The following GMDS variants were observed in gnomAD, a reference collection of about 807,000 sequenced individuals.
GMDS encodes the protein GDP-mannose 4,6 dehydratase.
GMDS carries 20 observed loss-of-function variants against 49.9 expected under a neutral mutation model. The observed-to-expected ratio is 0.40, with a 90% CI of 0.28 to 0.58. The LOEUF (loss-of-function observed/expected upper bound fraction) is 0.58. GMDS is among the 20% of genes least tolerant of loss of function. The pLI, the probability that GMDS is intolerant of heterozygous loss-of-function variation, is 0.42. For missense variants in GMDS, 362 were observed against 481.4 expected (o/e 0.75, Z 2.32); for synonymous variants, 177 against 178.6 (o/e 0.99, Z 0.07).
At chr6:1,688,859 T>C (rs1269209541) in intron 9 of GMDS, among the ~76,000 whole-genome samples, 1 of 152,202 alleles carries the variant, frequency 6.6e-6, no homozygotes, top group Non-Finnish European at 1.5e-5. Flanking sequence ...TAAAGTCAGC[T>C]CTCTACATAT....
At chr6:1,722,243 T>G (rs950287279) in intron 9 of GMDS, among the ~76,000 whole-genome samples, 25 of 80,954 alleles carry the variant, frequency 3.1e-4, no homozygotes, top group Non-Finnish European at 1.9e-4. Context: ...ATTATTATTA[T>G]TAGTAGTAGT....
chr6:2,017,971 G>GT (rs1315098060), intron 4 of GMDS, among the ~76,000 whole-genome samples: 1 of 152,092 alleles, frequency 6.6e-6, no homozygotes, highest in Non-Finnish European at 1.5e-5. Flanking sequence ...AGCTTATCTT[G>GT]TTTTTTAAAA....
chr6:1,671,901 G>T (rs1764445067), intron 9 of GMDS, among the ~76,000 whole-genome samples: 2 of 152,120 alleles, frequency 1.3e-5, no homozygotes, highest in South Asian at 4.1e-4. Flanking sequence ...CCAGCCTCAT[G>T]ATCTGCCCAC....
intron 1 of GMDS, among the ~76,000 whole-genome samples, chr6:2,200,410 C>T (rs530293296): frequency 1.3e-5 from 2 of 150,212 alleles, no homozygotes; most frequent in Admixed American, 6.6e-5. Context: ...CAGAACACCA[C>T]ATGGACATCC....
intron 9 of GMDS, among the ~76,000 whole-genome samples, chr6:1,682,217 T>C (rs1176868420): frequency 6.6e-6 from 1 of 152,234 alleles, no homozygotes; most frequent in Non-Finnish European, 1.5e-5. Context: ...TTTATTTTAT[T>C]CTATAATTTA....
intron 1 of GMDS, among the ~76,000 whole-genome samples, chr6:2,154,863 CAAAAAAAAA>C (rs70992124): frequency 4.6e-5 from 3 of 65,626 alleles, no homozygotes; most frequent in South Asian, 1.7e-3. Flanking sequence ...TGAAGAGATG[CAAAAAAAAA>C]AAAAAAAAAA....
At chr6:1,760,056 C>A (rs952851629) in intron 7 of GMDS, among the ~76,000 whole-genome samples, 1 of 152,140 alleles carries the variant, frequency 6.6e-6, no homozygotes, top group East Asian at 1.9e-4. Flanking sequence ...CGGGGCGGAG[C>A]CAGCTGGAGA....
chr6:1,900,209 G>T (rs1760429424), intron 7 of GMDS, among the ~76,000 whole-genome samples: 1 of 152,226 alleles, frequency 6.6e-6, no homozygotes, highest in African/African-American at 2.4e-5. Context: ...GTTGTGGGGT[G>T]ACCTCCATGG....
chr6:1,697,282 C>T (rs1279009130), intron 9 of GMDS, among the ~76,000 whole-genome samples: 2 of 152,230 alleles, frequency 1.3e-5, no homozygotes, highest in African/African-American at 4.8e-5. Context: ...GCCTTTCCCA[C>T]AGGGCTTCCT....
chr6:2,229,299 T>C (rs1581830225), intron 1 of GMDS, among the ~76,000 whole-genome samples: 1 of 150,982 alleles, frequency 6.6e-6, no homozygotes, highest in African/African-American at 2.4e-5. Context: ...GGGCTGTGCA[T>C]GGTGATTCAT....
At chr6:1,629,179 T>C (rs1422996863) in intron 9 of GMDS, among the ~76,000 whole-genome samples, 4 of 152,204 alleles carry the variant, frequency 2.6e-5, no homozygotes, top group Non-Finnish European at 4.4e-5. Context: ...ACATCTCTTC[T>C]TGGGTGTAGC....
At chr6:2,138,780 C>A (rs1776136288) in intron 1 of GMDS, among the ~76,000 whole-genome samples, 1 of 152,142 alleles carries the variant, frequency 6.6e-6, no homozygotes, top group African/African-American at 2.4e-5. Context: ...CTTCATTGAC[C>A]TTTGAGAAAA....
intron 1 of GMDS, among the ~76,000 whole-genome samples, chr6:2,230,524 T>C (rs1037430598): frequency 6.6e-6 from 1 of 152,178 alleles, no homozygotes; most frequent in South Asian, 2.1e-4. Flanking sequence ...GCAACTAAAA[T>C]GAAATTTTCC....
chr6:1,952,935 G>A (rs940158996), intron 6 of GMDS, among the ~76,000 whole-genome samples: 2 of 152,150 alleles, frequency 1.3e-5, no homozygotes, highest in African/African-American at 2.4e-5. Flanking sequence ...CTCACGGCTG[G>A]TAACCAACGG....
chr6:2,117,709 T>G (rs1774922768), intron 2 of GMDS, among the ~76,000 whole-genome samples, 153 bp from the exon 3 acceptor site: 1 of 152,178 alleles, frequency 6.6e-6, no homozygotes, highest in Non-Finnish European at 1.5e-5. Context: ...CCAACCACTG[T>G]CCACCAGCTA....
At chr6:2,028,742 C>T (rs2127414089) in intron 4 of GMDS, among the ~76,000 whole-genome samples, 1 of 152,246 alleles carries the variant, frequency 6.6e-6, no homozygotes, top group Non-Finnish European at 1.5e-5. Context: ...TGTAGAATAC[C>T]TGCAGAGAAT....
At chr6:2,070,866 C>G (rs1370259773) in intron 4 of GMDS, among the ~76,000 whole-genome samples, 1 of 152,210 alleles carries the variant, frequency 6.6e-6, no homozygotes, top group Non-Finnish European at 1.5e-5. Flanking sequence ...TATCATAAAA[C>G]CAGTATCCTG....
intron 2 of GMDS, among the ~76,000 whole-genome samples, chr6:2,122,248 C>G (rs1196158128): frequency 6.6e-6 from 1 of 152,148 alleles, no homozygotes; most frequent in Non-Finnish European, 1.5e-5. Flanking sequence ...CTGTAGTACC[C>G]AGGCAAGCAA....
chr6:1,671,334 C>T (rs757198262), intron 9 of GMDS, among the ~76,000 whole-genome samples: 1 of 152,258 alleles, frequency 6.6e-6, no homozygotes, highest in Middle Eastern at 3.4e-3. Context: ...GAGGAAGCAG[C>T]GACTGAAGAC....
Sources: allele counts gnomAD v4.1 joint callset (sites outside exome capture counted in the v4.1 genomes callset), GRCh38; gene constraint gnomAD v4.1.1; transcripts MANE v1.5; gene names NCBI Gene and HGNC (gene_info 2026-07-23, HGNC 2026-07-21).